The following CLCN7 variants were observed in gnomAD, a reference collection of about 807,000 sequenced individuals.
The protein encoded by CLCN7 is H(+)/Cl(-) exchange transporter 7.
A neutral mutation model predicts 102.1 loss-of-function variants in CLCN7; 60 were observed. The observed-to-expected ratio is 0.59, with a 90% CI of 0.48 to 0.73. The LOEUF (loss-of-function observed/expected upper bound fraction) is 0.73, where lower values mean the gene tolerates loss of function less well. CLCN7 is among the 30% of genes least tolerant of loss of function. The probability of loss-of-function intolerance (pLI) is 0.00; values close to 1 mark genes in which losing one functional copy is unlikely to be tolerated. For missense variants in CLCN7, 962 were observed against 1,125.7 expected, an observed-to-expected ratio of 0.85 and a Z score of 2.08; for synonymous variants, 560 against 490.5, an observed-to-expected ratio of 1.14 and a Z score of -1.87.
Position 1,447,572 on chromosome 16 carries a change from CG to C in CLCN7, c.2074-5del. The C allele has an allele frequency of 1.3e-6, 2 of 1,554,302 alleles. No individual in the cohort carries two copies. Among genetic ancestry groups the C allele is most frequent in the Non-Finnish European group, 1.7e-6 (2 of 1,149,202 alleles). On this transcript the variant is annotated splice_region_variant and splice_polypyrimidine_tract_variant and intron_variant, in intron 22 of 24. Transcript: ENST00000382745. Reference sequence around the variant, plus strand: ...GGTTGGACCGCTCCACAAACACCTGCGGGCGGCAGAGCCCTGTGTCAGGCAC... The same window carrying C: ...GGTTGGACCGCTCCACAAACACCTGCGGCGGCAGAGCCCTGTGTCAGGCAC...
chr16:1,465,490 C>G (rs1481934837), intron 1 of CLCN7, 152 bp from the exon 2 acceptor site: 2 of 739,030 alleles, frequency 2.7e-6, no homozygotes, highest in Non-Finnish European at 4.7e-6. Flanking sequence ...GTGGGGGCAG[C>G]AGGGCTGGGA....
intron 18 of CLCN7, 29 bp downstream of exon 18, chr16:1,449,247 C>G: frequency 2.5e-6 from 4 of 1,574,882 alleles, no homozygotes; most frequent in Non-Finnish European, 3.4e-6. Context: ...GTGGAGCTCC[C>G]CACCCATCGG....
chr16:1,460,353 G>T, intron 6 of CLCN7, 65 bp downstream of exon 6: 1 of 1,204,650 alleles, frequency 8.3e-7, no homozygotes. Context: ...AGGGGTTCCC[G>T]CCCATTCACC....
At chr16:1,465,437 G>C in intron 1 of CLCN7, 99 bp from the exon 2 acceptor site, 1 of 1,099,298 alleles carries the variant, frequency 9.1e-7, no homozygotes, top group Non-Finnish European at 1.3e-6. Flanking sequence ...GCCTGACCCT[G>C]CCCGGGAGCT....
At position 1,446,455 on chromosome 16, in the gene CLCN7, G is replaced by A. The variant is rs2038643672; in HGVS notation, c.*176C>T. 1 of 710,876 alleles carries A rather than the reference G, an allele frequency of 1.4e-6. No homozygotes were observed. The highest frequency in any genetic ancestry group is 2.7e-5 in the East Asian group (1 of 37,268). 44.0% of individuals were successfully genotyped at this position (710,876 alleles called of 1,614,324 possible). A position where few individuals can be genotyped will look rare whatever the true frequency, so the allele number is the denominator to read the frequency against. On this transcript the variant is annotated 3_prime_UTR_variant, in exon 25 of 25. Coordinates refer to ENST00000382745, the MANE Select transcript of CLCN7 (RefSeq NM_001287.6). ...GGGGGGAGACCACTGCCCACAACAGGGTCAGTCCCGCGAGAGGGTCAGTTC... is the reference window on the plus strand; with the variant it reads ...GGGGGGAGACCACTGCCCACAACAGAGTCAGTCCCGCGAGAGGGTCAGTTC...
At chr16:1,450,258 G>A (rs1242163127) in intron 17 of CLCN7, 8 of 577,312 alleles carry the variant, frequency 1.4e-5, no homozygotes, top group East Asian at 2.9e-5. Flanking sequence ...ACGAGCCTCC[G>A]CCCCCTACCT....
intron 1 of CLCN7, among the ~76,000 whole-genome samples, chr16:1,470,726 G>A (rs1289369431): frequency 6.6e-6 from 1 of 152,172 alleles, no homozygotes; most frequent in African/African-American, 2.4e-5. Flanking sequence ...GAGCTCAAGG[G>A]GCCACTGGCG....
intron 4 of CLCN7, 24 bp from the exon 5 acceptor site, chr16:1,460,972 G>A (rs1449549797): frequency 3.1e-6 from 5 of 1,609,996 alleles, no homozygotes; most frequent in Admixed American, 3.3e-5. Flanking sequence ...TCAGGGCGAG[G>A]GTCAGGCAGG....
intron 20 of CLCN7, 93 bp downstream of exon 20, chr16:1,448,588 G>A (rs2038691723): frequency 6.3e-7 from 1 of 1,599,802 alleles, no homozygotes; most frequent in Admixed American, 1.7e-5. Flanking sequence ...GAAACGCGGG[G>A]CTGCCTGGAG....
Position 1,455,814 on chromosome 16 carries a change from G to C in CLCN7, c.917-19C>G, listed in dbSNP as rs1205758656. ...ACCCCACCTGGAAGGCAGGCGGCCG[G>C]CTCGGGTGCCAGCTGGACACAGGGC... On this transcript the variant is annotated intron_variant, in intron 10 of 24. Transcript: ENST00000382745. 1.2e-6 allele frequency: 2 copies of C among 1,612,144 alleles called. No individual in the cohort carries two copies. Among genetic ancestry groups the C allele is most frequent in the Non-Finnish European group, 1.7e-6 (2 of 1,179,886 alleles).
intron 13 of CLCN7, 89 bp downstream of exon 13, chr16:1,454,322 G>A (rs2038799820): frequency 1.5e-6 from 2 of 1,377,662 alleles, no homozygotes; most frequent in Non-Finnish European, 2.1e-6. Flanking sequence ...GCTCCAGGGA[G>A]CCACAGCCTC....
Position 1,457,470 on chromosome 16 carries a change from C to T in CLCN7, c.739-133G>A, listed in dbSNP as rs113406416. ...CCAGAAGGACCGATGCTCAGAGACA[C>T]GCGTGACGCGGCCCTTCCTGGAGAC... On this transcript the variant is annotated intron_variant, in intron 8 of 24. Coordinates refer to ENST00000382745, the MANE Select transcript of CLCN7 (RefSeq NM_001287.6). This position sits in a 1 kb window ranked among gnomAD's most constrained non-coding sequence, Gnocchi z 5.4. The T allele has an allele frequency of 9.8e-4, 569 of 582,318 alleles. 4 individuals carry two copies. The highest frequency in any genetic ancestry group is 4.1e-3 in the African/African-American group (200 of 49,268). 36.1% of individuals were successfully genotyped at this position (582,318 alleles called of 1,614,324 possible).
rs189266477 is a variant in CLCN7 at position 1,455,813 on chromosome 16, G to A, written c.917-18C>T. 1.7e-3 allele frequency: 2,785 copies of A among 1,612,338 alleles called. 6 individuals carry two copies. The highest frequency in any genetic ancestry group is 1.9e-3 in the Non-Finnish European group (2,281 of 1,179,878). On this transcript the variant is annotated intron_variant, in intron 10 of 24. Coordinates refer to ENST00000382745, the MANE Select transcript of CLCN7 (RefSeq NM_001287.6). Reference sequence around the variant, plus strand: ...GACCCCACCTGGAAGGCAGGCGGCCGGCTCGGGTGCCAGCTGGACACAGGG... The same window carrying A: ...GACCCCACCTGGAAGGCAGGCGGCCAGCTCGGGTGCCAGCTGGACACAGGG...
At chr16:1,474,031 C>G (rs1159068266) in intron 1 of CLCN7, 3 of 414,046 alleles carry the variant, frequency 7.2e-6, no homozygotes, top group African/African-American at 4.2e-5. Flanking sequence ...TTGCAGTGAG[C>G]CGAGATCGCG....
chr16:1,450,409 C>A lies in CLCN7; in HGVS notation c.1617+88G>T, dbSNP rs906624942. 3.2e-5 allele frequency: 43 copies of A among 1,361,908 alleles called. No homozygotes were observed. In the East Asian group the frequency reaches 1.1e-3, roughly 34 times the overall value. The allele number at this position is 1,361,908 out of a possible 1,614,324, so 84.4% of individuals were successfully genotyped here. A position where few individuals can be genotyped will look rare whatever the true frequency, so the allele number is the denominator to read the frequency against. On this transcript the variant is annotated intron_variant, in intron 17 of 24. Transcript: ENST00000382745. ...CCACGTGAGGTGCGACACTTTTGTC[C>A]TGCCCTGGGACTTCTGCTCCGGCCC...
At chr16:1,469,130 C>T (rs984384652) in intron 1 of CLCN7, among the ~76,000 whole-genome samples, 72 of 151,734 alleles carry the variant, frequency 4.7e-4, no homozygotes, top group African/African-American at 1.6e-3. Flanking sequence ...TGCTTGAACC[C>T]GGGAGGTGGA....
chr16:1,464,743 G>A (rs2038981742), intron 2 of CLCN7, among the ~76,000 whole-genome samples: 1 of 152,232 alleles, frequency 6.6e-6, no homozygotes, highest in East Asian at 1.9e-4. Flanking sequence ...TCTACCCAGA[G>A]ACGATGAGTG....
rs151315140 is a variant in CLCN7, at chr16:1,456,389, C to A, written c.823-183G>T. Among the ~76,000 whole-genome samples, 6 of 152,326 alleles carry A rather than the reference C, an allele frequency of 3.9e-5. No individual in the cohort carries two copies. The East Asian group carries it at 1.2e-3, about 29-fold the overall frequency. On this transcript the variant is annotated intron_variant, in intron 9 of 24. Transcript: ENST00000382745. ...ACGGCAAGAGACAGCAGGGTCAGCA[C>A]CACCACCGGCAGCCCAGGGAAACAC...
At chr16:1,455,911 G>A (rs1026037931) in intron 10 of CLCN7, 116 bp from the exon 11 acceptor site, 12 of 1,211,350 alleles carry the variant, frequency 9.9e-6, no homozygotes, top group African/African-American at 1.5e-5. Context: ...AGCTAATGGG[G>A]TGGGCCCCAG....
Sources: allele counts gnomAD v4.1 joint callset (sites outside exome capture counted in the v4.1 genomes callset), GRCh38; gene constraint gnomAD v4.1.1; non-coding constraint Gnocchi (gnomAD v3.1); transcripts MANE v1.5; gene names NCBI Gene and HGNC (gene_info 2026-07-23, HGNC 2026-07-21).